Variants in SHTN1 observed in about 807,000 individuals in gnomAD.
SHTN1 encodes the protein shootin 1.
Under a neutral mutation model 83.1 loss-of-function variants are expected in SHTN1, and 42 were observed. The observed-to-expected ratio is 0.51, with a 90% CI of 0.39 to 0.65. SHTN1 has a LOEUF of 0.65. Among genes scored for constraint, SHTN1 ranks in the 30% least tolerant of loss-of-function variants. SHTN1 has a pLI of 0.00. For synonymous variants in SHTN1, 224 were observed against 247.7 expected, an observed-to-expected ratio of 0.90 and a Z score of 0.90; for missense variants, 622 against 737.8, an observed-to-expected ratio of 0.84 and a Z score of 1.82.
At chr10:116,953,254 T>C (rs1289550757) in intron 5 of SHTN1, among the ~76,000 whole-genome samples, 1 of 152,224 alleles carries the variant, frequency 6.6e-6, no homozygotes, top group Non-Finnish European at 1.5e-5. Flanking sequence ...AGTAGATGTA[T>C]CATATGATCT....
intron 14 of SHTN1, among the ~76,000 whole-genome samples, chr10:116,910,249 T>TA (rs1006083102): frequency 1.3e-4 from 20 of 152,104 alleles, no homozygotes; most frequent in Admixed American, 4.6e-4. Context: ...GCTCTACTTT[T>TA]AAAAAAACTT....
rs117362564 is a variant in SHTN1, at chr10:116,929,796, T to A, written c.1012+53A>T. ...TATATGCCAGGTTTTGTACTAGGCA[T>A]GAGTAATTCAAAGATTAATAGTAAG... On this transcript the variant is annotated intron_variant, in intron 10 of 16. Transcript: ENST00000355371. The A allele has an allele frequency of 3.9e-5, 50 of 1,273,506 alleles. No individual in the cohort carries two copies. In the East Asian group the frequency reaches 1.2e-3, roughly 31 times the overall value. 78.9% of individuals were successfully genotyped at this position (1,273,506 alleles called of 1,614,324 possible). A position where few individuals can be genotyped will look rare whatever the true frequency, so the allele number is the denominator to read the frequency against.
chr10:117,102,601 T>A (rs911241063), intron 1 of SHTN1, among the ~76,000 whole-genome samples: 1 of 152,050 alleles, frequency 6.6e-6, no homozygotes, highest in Non-Finnish European at 1.5e-5. Context: ...TGGATCTGGT[T>A]ACATTTGTTT....
intron 11 of SHTN1, 59 bp from the exon 12 acceptor site, chr10:116,921,575 C>A: frequency 8.0e-7 from 1 of 1,247,850 alleles, no homozygotes; most frequent in South Asian, 1.3e-5. Flanking sequence ...CCTAAATAAC[C>A]AGTAAAAATC....
At chr10:116,941,877 A>G (rs1776172560) in intron 8 of SHTN1, among the ~76,000 whole-genome samples, 1 of 152,244 alleles carries the variant, frequency 6.6e-6, no homozygotes, top group South Asian at 2.1e-4. Context: ...AGGGAAAAAA[A>G]GGTCAGAAGC....
chr10:117,060,162 A>G (rs1180992932), intron 1 of SHTN1, among the ~76,000 whole-genome samples: 1 of 152,182 alleles, frequency 6.6e-6, no homozygotes, highest in African/African-American at 2.4e-5. Context: ...ACAGTGAGCT[A>G]CAGTGGCAAA....
chr10:117,024,078 TG>T (rs36152011), intron 2 of SHTN1, among the ~76,000 whole-genome samples: 99,150 of 149,030 alleles, frequency 0.67, 36,107 homozygotes, highest in Middle Eastern at 0.84. Context: ...TAATGAGGGC[TG>T]GTTATTGCTG....
chr10:117,125,988 G>A (rs1300821862), intron 1 of SHTN1, among the ~76,000 whole-genome samples: 1 of 152,158 alleles, frequency 6.6e-6, no homozygotes, highest in Non-Finnish European at 1.5e-5. Flanking sequence ...CTGGCACTCC[G>A]TCCGTCCTGT....
intron 2 of SHTN1, among the ~76,000 whole-genome samples, chr10:116,976,673 T>C (rs1296741489): frequency 6.6e-6 from 1 of 152,190 alleles, no homozygotes; most frequent in African/African-American, 2.4e-5. Context: ...GAACTAAAGC[T>C]GCTTTTACTC....
chr10:117,116,861 C>A (rs1386675532), intron 1 of SHTN1, among the ~76,000 whole-genome samples: 2 of 152,042 alleles, frequency 1.3e-5, no homozygotes, highest in Non-Finnish European at 2.9e-5. Context: ...ACCAACATTC[C>A]TTTATCATAA....
chr10:117,085,650 T>C (rs1853339368), intron 1 of SHTN1, among the ~76,000 whole-genome samples: 1 of 152,138 alleles, frequency 6.6e-6, no homozygotes, highest in Admixed American at 6.5e-5. Flanking sequence ...GGTGATGGGG[T>C]TCAGTTCAAC....
At chr10:117,106,863 T>G (rs1173393202) in intron 1 of SHTN1, among the ~76,000 whole-genome samples, 1 of 152,190 alleles carries the variant, frequency 6.6e-6, no homozygotes, top group Non-Finnish European at 1.5e-5. Flanking sequence ...CTTAAAAACC[T>G]GACAAATTAC....
At chr10:116,954,369 T>G (rs1440658348) in intron 4 of SHTN1, among the ~76,000 whole-genome samples, 159 bp from the exon 5 acceptor site, 2 of 152,122 alleles carry the variant, frequency 1.3e-5, no homozygotes, top group African/African-American at 4.8e-5. Context: ...GGTTTTATAT[T>G]AAATTTATTT....
intron 9 of SHTN1, among the ~76,000 whole-genome samples, chr10:116,939,526 C>T (rs1440403205): frequency 1.3e-5 from 2 of 152,226 alleles, no homozygotes; most frequent in East Asian, 3.9e-4. Context: ...GTGAGATGAG[C>T]CGGGTACCCA....
At chr10:116,892,783 T>C (rs1235508314) in intron 16 of SHTN1, among the ~76,000 whole-genome samples, 5 of 152,188 alleles carry the variant, frequency 3.3e-5, no homozygotes, top group African/African-American at 9.7e-5. Flanking sequence ...AGATCTGACA[T>C]TGCATTTGAG....
chr10:116,929,863 T>C lies in SHTN1; in HGVS notation c.998A>G (p.Asn333Ser). 1.2e-6 allele frequency: 2 copies of C among 1,603,522 alleles called. No homozygotes were observed. The highest frequency in any genetic ancestry group is 1.7e-6 in the Non-Finnish European group (2 of 1,176,666). The change falls in exon 10 of 17, where the codon AAT becomes AGT. Residue 333 changes from asparagine to serine, a missense_variant. Asn to Ser is a conservative substitution (Grantham distance 46). This residue lies in a region of SHTN1 where 383 missense variants were observed against 455.8 expected (regional missense o/e 0.84). Coordinates refer to ENST00000355371, the MANE Select transcript of SHTN1 (RefSeq NM_001127211.3). Reference protein sequence around the residue: ...KYQNSEEKARNLKHSVDELQK... With the variant: ...KYQNSEEKARSLKHSVDELQK... ...AATGCTTTTACCAGAGTGCTTTAAA[T>C]TTCTGGCTTTCTCTTCAGAATTCTG...
intron 1 of SHTN1, among the ~76,000 whole-genome samples, chr10:117,060,126 T>C (rs1852879660): frequency 6.6e-6 from 1 of 152,022 alleles, no homozygotes; most frequent in South Asian, 2.1e-4. Flanking sequence ...GGCAGGAGGA[T>C]CACTTGAGCC....
intron 1 of SHTN1, among the ~76,000 whole-genome samples, chr10:117,103,513 C>A (rs1239964289): frequency 6.8e-6 from 1 of 147,000 alleles, no homozygotes; most frequent in Non-Finnish European, 1.5e-5. Flanking sequence ...CCTTTCCCCT[C>A]CCCTCCCCTC....
At chr10:117,039,410 A>G (rs1307795368) in intron 2 of SHTN1, among the ~76,000 whole-genome samples, 1 of 152,172 alleles carries the variant, frequency 6.6e-6, no homozygotes, top group East Asian at 1.9e-4. Flanking sequence ...GTGGATACGT[A>G]TCATTATACA....
Sources: gnomAD v4.1 joint callset for allele counts (sites outside exome capture counted in the v4.1 genomes callset) on GRCh38, gnomAD v4.1.1 for gene constraint, gnomAD v4.1.1 regional missense constraint, MANE v1.5 for transcripts, NCBI Gene and HGNC (gene_info 2026-07-23, HGNC 2026-07-21) for gene names.